Variants in RNF17 observed in about 807,000 individuals in gnomAD.
RNF17 encodes the protein spermatogenesis associated 23.
RNF17 carries 31 observed loss-of-function variants against 200.5 expected under a neutral mutation model. The ratio of observed to expected loss-of-function variants is 0.15; its 90% CI spans 0.12 to 0.21. RNF17 has a LOEUF of 0.21. Ranked by LOEUF, RNF17 falls within the 10% of genes least tolerant of loss-of-function variation. The probability of loss-of-function intolerance (pLI) is 1.00; values close to 1 mark genes in which losing one functional copy is unlikely to be tolerated. For synonymous variants in RNF17, 606 were observed against 637.8 expected, an observed-to-expected ratio of 0.95 and a Z score of 0.75; for missense variants, 1,628 against 1,905.1, an observed-to-expected ratio of 0.85 and a Z score of 2.71.
intron 3 of RNF17, 82 bp downstream of exon 3, chr13:24,774,986 C>A: frequency 1.1e-6 from 1 of 920,768 alleles, no homozygotes; most frequent in Non-Finnish European, 1.7e-6. Context: ...AAAATGTCAT[C>A]CTTAAGTCTG....
intron 31 of RNF17, among the ~76,000 whole-genome samples, chr13:24,869,383 C>T (rs1894004144): frequency 6.6e-6 from 1 of 152,190 alleles, no homozygotes; most frequent in Non-Finnish European, 1.5e-5. Flanking sequence ...TATATAGTTG[C>T]TAAACAACTA....
chr13:24,764,033 C>A, upstream of RNF17: 1 of 562,756 alleles, frequency 1.8e-6, no homozygotes, highest in Non-Finnish European at 3.1e-6. Context: ...TGGTACCTCC[C>A]AGGATAACGG....
chr13:24,817,127 G>A (rs1887501413), intron 15 of RNF17, among the ~76,000 whole-genome samples: 1 of 152,190 alleles, frequency 6.6e-6, no homozygotes, highest in Non-Finnish European at 1.5e-5. Flanking sequence ...GGGTAATGCA[G>A]CCTCTTAGAG....
At chr13:24,814,234 C>T (rs577105658) in intron 15 of RNF17, among the ~76,000 whole-genome samples, 5 of 152,142 alleles carry the variant, frequency 3.3e-5, no homozygotes, top group Non-Finnish European at 5.9e-5. Flanking sequence ...CTTGCTGTCT[C>T]AGGTCTGGCA....
In RNF17 at chr13:24,851,403, A is replaced by G; in HGVS notation, c.3205-53A>G. On this transcript the variant is annotated intron_variant, in intron 23 of 35. Coordinates refer to ENST00000255324, the MANE Select transcript of RNF17 (RefSeq NM_031277.3). ...TGCCTGTGAAATGCACATTGTTTAT[A>G]TGAAGATTTCATTTTGGTGTTTCAT... 5.1e-6 allele frequency: 6 copies of G among 1,178,166 alleles called. No individual in the cohort carries two copies. In the South Asian group the frequency reaches 7.7e-5, roughly 15 times the overall value. The allele number at this position is 1,178,166 out of a possible 1,614,324, so 73.0% of individuals were successfully genotyped here. A position where few individuals can be genotyped will look rare whatever the true frequency, so the allele number is the denominator to read the frequency against.
downstream of RNF17, among the ~76,000 whole-genome samples, chr13:24,883,725 C>T (rs1006922147): frequency 6.6e-6 from 1 of 152,050 alleles, no homozygotes. Context: ...GTTAGTTATT[C>T]CTGGGAAGGG....
chr13:24,835,306 C>T (rs1253178928), intron 18 of RNF17, among the ~76,000 whole-genome samples: 1 of 152,142 alleles, frequency 6.6e-6, no homozygotes, highest in African/African-American at 2.4e-5. Flanking sequence ...TCGCCGGTTC[C>T]TCCTCGTACT....
At chr13:24,832,135 T>C (rs1889481770) in intron 18 of RNF17, among the ~76,000 whole-genome samples, 157 bp downstream of exon 18, 1 of 152,240 alleles carries the variant, frequency 6.6e-6, no homozygotes, top group African/African-American at 2.4e-5. Flanking sequence ...TTATATCTTT[T>C]ATGGACTCTA....
intron 22 of RNF17, among the ~76,000 whole-genome samples, chr13:24,845,345 T>G (rs1041588188): frequency 2.6e-5 from 4 of 152,210 alleles, no homozygotes; most frequent in Non-Finnish European, 5.9e-5. Context: ...AAATAAATTG[T>G]GTAAGTTTAG....
At chr13:24,764,888 G>GGGGTGGGTGT (rs899352115) in intron 1 of RNF17, among the ~76,000 whole-genome samples, 1 of 134,092 alleles carries the variant, frequency 7.5e-6, no homozygotes, top group Non-Finnish European at 1.6e-5. Context: ...CACCTTGTGG[G>GGGGTGGGTGT]GTGTGTGTGT....
At chr13:24,757,106 C>T in the RNF17 span, among the ~76,000 whole-genome samples, 2 of 151,834 alleles carry the variant, frequency 1.3e-5, no homozygotes, top group African/African-American at 4.8e-5. Flanking sequence ...CTGCCATGTT[C>T]CAGAACAAGA....
At chr13:24,812,691 T>G (rs1185875909) in intron 15 of RNF17, among the ~76,000 whole-genome samples, 53 of 89,578 alleles carry the variant, frequency 5.9e-4, no homozygotes, top group African/African-American at 1.8e-3. Context: ...CCCCTTTTTT[T>G]TTTTTTTTGA....
intron 23 of RNF17, 42 bp from the exon 24 acceptor site, chr13:24,851,414 A>C: frequency 7.7e-7 from 1 of 1,302,394 alleles, no homozygotes. Flanking sequence ...TGAAGATTTC[A>C]TTTTGGTGTT....
chr13:24,817,517 G>A (rs992656902), intron 15 of RNF17, among the ~76,000 whole-genome samples: 2 of 152,052 alleles, frequency 1.3e-5, no homozygotes, highest in Admixed American at 6.6e-5. Flanking sequence ...TCAGGAGTTT[G>A]AGACCAGCCT....
intron 11 of RNF17, among the ~76,000 whole-genome samples, chr13:24,797,224 AAGAC>A (rs1392043428): frequency 6.6e-6 from 1 of 152,224 alleles, no homozygotes; most frequent in African/African-American, 2.4e-5. Flanking sequence ...AAAATGTTCT[AAGAC>A]AGCCAGAAAG....
At chr13:24,775,475 T>A (rs1881428913) in intron 3 of RNF17, among the ~76,000 whole-genome samples, 1 of 152,100 alleles carries the variant, frequency 6.6e-6, no homozygotes, top group Non-Finnish European at 1.5e-5. Context: ...GGTCTCAAAC[T>A]CCTGGCTTTA....
At chr13:24,786,499 T>A (rs1883127003) in intron 6 of RNF17, among the ~76,000 whole-genome samples, 1 of 152,224 alleles carries the variant, frequency 6.6e-6, no homozygotes, top group African/African-American at 2.4e-5. Context: ...AGAGATATTT[T>A]TATCATTGTA....
Position 24,866,080 on chromosome 13 carries a change from A to T in RNF17, c.4102-64A>T, listed in dbSNP as rs183816357. ...TGCACCCAGTTTTTGTGGGGATGAA[A>T]TATGGAAAGTACCTTAAAACAATAT... On this transcript the variant is annotated intron_variant, in intron 29 of 35. Transcript: ENST00000255324. 3.4e-6 allele frequency: 3 copies of T among 875,580 alleles called. No individual in the cohort carries two copies. The Admixed American group carries it at 6.9e-5, about 20-fold the overall frequency. The allele number at this position is 875,580 out of a possible 1,614,324, so 54.2% of individuals were successfully genotyped here.
In RNF17 at chr13:24,831,965, A is replaced by G. The variant is rs982689510; in HGVS notation, c.2469A>G (p.Thr823=). 5 of 1,572,292 alleles carry G rather than the reference A, an allele frequency of 3.2e-6. No homozygotes were observed. In the African/African-American group the frequency reaches 5.4e-5, roughly 17 times the overall value. Residue 823 remains threonine (T), a synonymous_variant, in exon 18 of 36, where the codon ACA becomes ACG. Transcript: ENST00000255324. ...FEEKAQDKFM[T]CSVIKILEDN... is the part of the protein sequence containing the mutation. Reference sequence around the variant, plus strand: ...AAAAGGCTCAAGATAAATTTATGACATGTTCAGTTATCAGTAAGTTCCATT... The same window carrying G: ...AAAAGGCTCAAGATAAATTTATGACGTGTTCAGTTATCAGTAAGTTCCATT...
Sources: allele counts gnomAD v4.1 joint callset (sites outside exome capture counted in the v4.1 genomes callset), GRCh38; gene constraint gnomAD v4.1.1; transcripts MANE v1.5; gene names NCBI Gene and HGNC (gene_info 2026-07-23, HGNC 2026-07-21).